Variants in TMPRSS15 observed in about 807,000 individuals in gnomAD.
TMPRSS15 encodes the protein transmembrane serine protease 15.
Under a neutral mutation model 125.3 loss-of-function variants are expected in TMPRSS15, and 128 were observed. The ratio of observed to expected loss-of-function variants is 1.02; its 90% CI spans 0.89 to 1.18. TMPRSS15 has a LOEUF of 1.18. TMPRSS15 is among the 50% of genes most tolerant of loss of function. TMPRSS15 has a pLI of 0.00. For synonymous variants in TMPRSS15, 446 were observed against 423.2 expected (o/e 1.05, Z -0.66); for missense variants, 1,283 against 1,212.7 (o/e 1.06, Z -0.86).
chr21:18,288,715 T>C (rs1431939256), intron 21 of TMPRSS15, among the ~76,000 whole-genome samples: 1 of 151,832 alleles, frequency 6.6e-6, no homozygotes, highest in Admixed American at 6.6e-5. Flanking sequence ...TAATTTCTTT[T>C]GTATTTTAGT....
intron 18 of TMPRSS15, among the ~76,000 whole-genome samples, chr21:18,299,771 C>T (rs34402555): frequency 0.31 from 47,451 of 152,012 alleles, 8,856 homozygotes; most frequent in East Asian, 0.56. Context: ...GCACCAGCCT[C>T]AGGAGAGAAC....
intron 1 of TMPRSS15, among the ~76,000 whole-genome samples, chr21:18,461,263 C>G (rs1601470679): frequency 6.6e-6 from 1 of 152,110 alleles, no homozygotes; most frequent in East Asian, 1.9e-4. Flanking sequence ...TTCTGTTTTT[C>G]TACATGTAGT....
At chr21:18,359,238 T>C (rs2075655355) in intron 8 of TMPRSS15, among the ~76,000 whole-genome samples, 1 of 152,042 alleles carries the variant, frequency 6.6e-6, no homozygotes, top group Non-Finnish European at 1.5e-5. Flanking sequence ...TAACGATAAA[T>C]GGTTATATAG....
intron 4 of TMPRSS15, among the ~76,000 whole-genome samples, chr21:18,382,675 T>C (rs1227621700): frequency 1.3e-5 from 2 of 152,164 alleles, no homozygotes; most frequent in Non-Finnish European, 2.9e-5. Context: ...GGTGTAGATA[T>C]TTATGTATTG....
intron 16 of TMPRSS15, among the ~76,000 whole-genome samples, chr21:18,322,481 T>C (rs1601332950): frequency 6.6e-6 from 1 of 152,174 alleles, no homozygotes; most frequent in African/African-American, 2.4e-5. Context: ...AACGTAAGAG[T>C]CCATCAACAG....
intron 21 of TMPRSS15, among the ~76,000 whole-genome samples, chr21:18,285,745 A>G (rs1315497386): frequency 6.6e-6 from 1 of 152,208 alleles, no homozygotes; most frequent in Non-Finnish European, 1.5e-5. Flanking sequence ...ACTCTCATAT[A>G]ATGATCATTA....
chr21:18,299,710 T>C (rs2074944840), intron 18 of TMPRSS15, among the ~76,000 whole-genome samples: 1 of 152,198 alleles, frequency 6.6e-6, no homozygotes, highest in Non-Finnish European at 1.5e-5. Flanking sequence ...TTTTCCACGT[T>C]CTTGACTCCC....
chr21:18,290,294 C>A (rs1282564915), intron 21 of TMPRSS15, among the ~76,000 whole-genome samples: 2 of 152,150 alleles, frequency 1.3e-5, no homozygotes, highest in African/African-American at 2.4e-5. Flanking sequence ...ACATCAGTAG[C>A]CATAAGCACA....
At chr21:18,287,620 TG>T (rs1455376278) in intron 21 of TMPRSS15, among the ~76,000 whole-genome samples, 1 of 152,122 alleles carries the variant, frequency 6.6e-6, no homozygotes, top group African/African-American at 2.4e-5. Context: ...ATGAGATACA[TG>T]CCAAAGAGAC....
intron 1 of TMPRSS15, among the ~76,000 whole-genome samples, chr21:18,415,170 T>G (rs1267186741): frequency 1.3e-5 from 2 of 152,158 alleles, no homozygotes; most frequent in African/African-American, 4.8e-5. Flanking sequence ...TGGAGAAATG[T>G]CTATCAGGGT....
intron 21 of TMPRSS15, among the ~76,000 whole-genome samples, chr21:18,286,219 C>T (rs1237166812): frequency 2.6e-5 from 4 of 152,108 alleles, no homozygotes; most frequent in Non-Finnish European, 5.9e-5. Flanking sequence ...TTTTGTTCAT[C>T]TTAAACTCTA....
chr21:18,465,621 A>G (rs1978644258), intron 1 of TMPRSS15, among the ~76,000 whole-genome samples: 1 of 150,450 alleles, frequency 6.6e-6, no homozygotes, highest in African/African-American at 2.5e-5. Context: ...CAAATAACAG[A>G]CAAACAGAGA....
chr21:18,378,649 A>T (rs984457641), intron 5 of TMPRSS15, among the ~76,000 whole-genome samples: 5 of 152,054 alleles, frequency 3.3e-5, no homozygotes, highest in Admixed American at 1.3e-4. Context: ...TATTGCCTTT[A>T]TTGAATTTAC....
chr21:18,472,425 A>T (rs1382912809), intron 1 of TMPRSS15, among the ~76,000 whole-genome samples: 1 of 150,342 alleles, frequency 6.7e-6, no homozygotes, highest in Non-Finnish European at 1.5e-5. Flanking sequence ...CAGGATACAT[A>T]GTAAGGGTGC....
At chr21:18,274,179 C>T (rs2074593196) in intron 24 of TMPRSS15, among the ~76,000 whole-genome samples, 1 of 152,092 alleles carries the variant, frequency 6.6e-6, no homozygotes, top group Non-Finnish European at 1.5e-5. Context: ...TACTAAGCTT[C>T]ATAATAAAAA....
At chr21:18,380,800 G>A (rs375256697) in intron 4 of TMPRSS15, among the ~76,000 whole-genome samples, 2 of 152,140 alleles carry the variant, frequency 1.3e-5, no homozygotes, top group East Asian at 1.9e-4. Context: ...GTTTACTTAT[G>A]CAAAAAGTTT....
At chr21:18,308,171 T>G (rs888072919) in intron 18 of TMPRSS15, among the ~76,000 whole-genome samples, 3 of 152,180 alleles carry the variant, frequency 2.0e-5, no homozygotes, top group Admixed American at 2.0e-4. Flanking sequence ...AATTAGTGTT[T>G]AAAGTAGGAA....
At chr21:18,297,127 A>G (rs1168854723) in intron 19 of TMPRSS15, among the ~76,000 whole-genome samples, 1 of 152,242 alleles carries the variant, frequency 6.6e-6, no homozygotes, top group Non-Finnish European at 1.5e-5. Flanking sequence ...AATAGGAGAA[A>G]TGACTTAATT....
intron 1 of TMPRSS15, among the ~76,000 whole-genome samples, chr21:18,461,269 G>A (rs1978546009): frequency 6.6e-6 from 1 of 152,046 alleles, no homozygotes; most frequent in South Asian, 2.1e-4. Context: ...TTTTCTACAT[G>A]TAGTTACATT....
Sources: gnomAD v4.1 joint callset for allele counts (sites outside exome capture counted in the v4.1 genomes callset) on GRCh38, gnomAD v4.1.1 for gene constraint, MANE v1.5 for transcripts, NCBI Gene and HGNC (gene_info 2026-07-23, HGNC 2026-07-21) for gene names.